SCAP: variants seen among roughly 807,000 people sequenced by gnomAD.
SCAP encodes the protein sterol regulatory element-binding protein cleavage-activating protein.
Under a neutral mutation model 123.6 loss-of-function variants are expected in SCAP, and 65 were observed. The observed-to-expected ratio is 0.53, with a 90% CI of 0.43 to 0.65. SCAP has a LOEUF of 0.65. SCAP is among the 30% of genes least tolerant of loss of function. The pLI, the probability that SCAP is intolerant of heterozygous loss-of-function variation, is 0.00. For synonymous variants in SCAP, 740 were observed against 726.3 expected, an observed-to-expected ratio of 1.02 and a Z score of -0.30; for missense variants, 1,398 against 1,712.5, an observed-to-expected ratio of 0.82 and a Z score of 3.24.
At chr3:47,445,602 T>C (rs2107928918) in intron 1 of SCAP, among the ~76,000 whole-genome samples, 1 of 150,370 alleles carries the variant, frequency 6.7e-6, no homozygotes, top group African/African-American at 2.4e-5. Flanking sequence ...AACGGAATCT[T>C]GCTTTGTCGC....
intron 20 of SCAP, 80 bp downstream of exon 20, chr3:47,414,747 C>T (rs1017483283): frequency 1.4e-5 from 22 of 1,606,050 alleles, no homozygotes; most frequent in Admixed American, 1.7e-5. Flanking sequence ...AGGACTCTTC[C>T]AGCCTCTCCC....
At position 47,418,183 on chromosome 3, in the gene SCAP, C is replaced by A. The variant is rs762607828; in HGVS notation, c.2398G>T (p.Val800Leu). The A allele has an allele frequency of 6.3e-7, 1 of 1,575,708 alleles. No homozygotes were observed. The highest frequency in any genetic ancestry group is 8.6e-7 in the Non-Finnish European group (1 of 1,161,360). ...VSCCLAGHVC[V>L]WDAQTGDCLT... The stretch of plus-strand genomic sequence containing the variant: ...CAATCCCCGGTCTGCGCGTCCCACA[C>A]GCAGACGTGGCCTGCCAGGCAGCAG... The change falls in exon 16 of 23, where the codon GTG becomes TTG. Residue 800 changes from valine (V) to leucine (L), a missense_variant. Physicochemically the swap from Val to Leu is conservative, Grantham distance 32. Transcript: ENST00000265565.
In SCAP at chr3:47,414,587, G is replaced by T. The variant is rs765062530; in HGVS notation, c.3372C>A (p.Thr1124=). 6.2e-7 allele frequency: 1 copy of T among 1,613,446 alleles called. No individual in the cohort carries two copies. The highest frequency in any genetic ancestry group is 8.5e-7 in the Non-Finnish European group (1 of 1,179,998). The change falls in exon 21 of 23, where the codon ACC becomes ACA. Residue 1124 remains threonine, a synonymous_variant. Coordinates refer to ENST00000265565, the MANE Select transcript of SCAP (RefSeq NM_012235.4). The part of the protein sequence containing the change: ...TLQGHSGAIT[T]VYIDQTMVLA... ...GGCCGCTTACCTGGTCAATGTACAC[G>T]GTCGTGATGGCCCCTGAGTGGCCCT...
intron 1 of SCAP, among the ~76,000 whole-genome samples, chr3:47,452,364 C>G (rs1398941012): frequency 6.6e-6 from 1 of 151,772 alleles, no homozygotes; most frequent in Admixed American, 6.6e-5. Flanking sequence ...TCTCTGAAAA[C>G]AAACCACTTG....
chr3:47,415,626 C>T (rs1705538689), intron 18 of SCAP, among the ~76,000 whole-genome samples: 1 of 152,198 alleles, frequency 6.6e-6, no homozygotes, highest in Non-Finnish European at 1.5e-5. Flanking sequence ...AAGCACAGCT[C>T]ACATCAATTC....
At position 47,420,511 on chromosome 3, in the gene SCAP, G is replaced by A. The variant is rs376567000; in HGVS notation, c.1563+43C>T. ...AGCACCACAAGGGGCCTGGAGCACC[G>A]GCCCTCCAGAAGAGGGCAGGGCAGG... On this transcript the variant is annotated intron_variant, in intron 12 of 22. Coordinates refer to ENST00000265565, the MANE Select transcript of SCAP (RefSeq NM_012235.4). The surrounding 1 kb of genome is among the most constrained non-coding windows in gnomAD (Gnocchi z 5.0). The A allele has an allele frequency of 4.2e-5, 63 of 1,497,230 alleles. No individual in the cohort carries two copies. Among genetic ancestry groups the A allele is most frequent in the African/African-American group, 8.2e-5 (6 of 72,728 alleles). 92.7% of individuals were successfully genotyped at this position (1,497,230 alleles called of 1,614,324 possible).
rs1033297853 is a variant in SCAP at position 47,418,351 on chromosome 3, G to C, written c.2301C>G (p.Ile767Met). The C allele has an allele frequency of 5.1e-6, 8 of 1,570,320 alleles. No homozygotes were observed. The highest frequency in any genetic ancestry group is 1.4e-5 in the African/African-American group (1 of 73,860). ...GGTGGCCGCGCAGCACAAGCGGCACGATCTCCGTCTCGGGTGGCGCATAGC... is the reference window on the plus strand; with the variant it reads ...GGTGGCCGCGCAGCACAAGCGGCACCATCTCCGTCTCGGGTGGCGCATAGC... ...DYGYAPPETE[I>M]VPLVLRGHLM... The change falls in exon 15 of 23, where the codon ATC becomes ATG. Residue 767 changes from isoleucine to methionine, a missense_variant. Physicochemically the swap from Ile to Met is conservative, Grantham distance 10. Around this residue, in one of 7 missense-constraint regions of SCAP, gnomAD observed 828 missense variants for 882.5 expected, o/e 0.94. Transcript: ENST00000265565.
rs749663154 is a variant in SCAP, at chr3:47,430,283, A to G, written c.253-1613T>C. 2.6e-5 allele frequency among the ~76,000 whole-genome samples: 4 copies of G among 152,282 alleles called. No homozygotes were observed. The South Asian group carries it at 8.3e-4, about 32-fold the overall frequency. On this transcript the variant is annotated intron_variant, in intron 3 of 22. Transcript: ENST00000265565. ...CCAAGGTCTCCTCACTAAATATCAC[A>G]TACTTTTCTCACTAGAATCTGCCAT... is the stretch of plus-strand genomic sequence containing the variant.
rs1325133449 is a variant in SCAP, at chr3:47,422,546, G to A, written c.1151-10C>T. The A allele has an allele frequency of 1.9e-6, 3 of 1,605,958 alleles. No individual in the cohort carries two copies. The highest frequency in any genetic ancestry group is 2.2e-5 in the East Asian group (1 of 44,622). ...CTCTCGCTGCTTAGGCCTGCAGAGGGCAGCAACAGGGCACAGGGCAACACA... is the reference window on the plus strand; with the variant it reads ...CTCTCGCTGCTTAGGCCTGCAGAGGACAGCAACAGGGCACAGGGCAACACA... On this transcript the variant is annotated splice_polypyrimidine_tract_variant and intron_variant, in intron 9 of 22. Transcript: ENST00000265565.
chr3:47,442,373 A>G (rs1464148378), intron 2 of SCAP, among the ~76,000 whole-genome samples: 1 of 152,206 alleles, frequency 6.6e-6, no homozygotes, highest in Non-Finnish European at 1.5e-5. Context: ...AGCTGGCCAC[A>G]AGAATCAACA....
At chr3:47,456,287 A>G (rs1707422397) in intron 1 of SCAP, among the ~76,000 whole-genome samples, 1 of 152,172 alleles carries the variant, frequency 6.6e-6, no homozygotes, top group Non-Finnish European at 1.5e-5. Flanking sequence ...CTGTAGTCCC[A>G]GCTATTCAGG....
intron 21 of SCAP, 85 bp from the exon 22 acceptor site, chr3:47,414,471 C>T (rs532154503): frequency 8.8e-5 from 141 of 1,598,672 alleles, no homozygotes; most frequent in Non-Finnish European, 1.1e-4. Context: ...GTGGGTGGGG[C>T]CCTGACTGCT....
At position 47,414,059 on chromosome 3, in the gene SCAP, T is replaced by C. The variant is rs754056645; in HGVS notation, c.3635A>G (p.Asn1212Ser). The stretch of plus-strand genomic sequence containing the variant: ...GCCCTGGCCGCCAGTCACCAGCAGG[T>C]TGTCTGAGATGACACCCAAGCTTGC... ...CGASLGVISDNLLVTGGQGCV... is the reference protein window; with the variant it reads ...CGASLGVISDSLLVTGGQGCV... The change falls in exon 23 of 23, where the codon AAC (asparagine) becomes AGC (serine). Residue 1212 changes from asparagine to serine, a missense_variant. Asn to Ser is a conservative substitution (Grantham distance 46). Coordinates refer to ENST00000265565, the MANE Select transcript of SCAP (RefSeq NM_012235.4). 1.8e-4 allele frequency: 284 copies of C among 1,613,236 alleles called. 2 individuals carry two copies. The highest frequency in any genetic ancestry group is 2.3e-4 in the Non-Finnish European group (273 of 1,180,012).
At position 47,475,927 on chromosome 3, in the gene SCAP, G is replaced by C. The variant is rs1220161037; in HGVS notation, c.-227C>G. 6.5e-6 allele frequency: 1 copy of C among 153,354 alleles called. No homozygotes were observed. The highest frequency in any genetic ancestry group is 1.5e-5 in the Non-Finnish European group (1 of 68,456). 9.5% of individuals were successfully genotyped at this position (153,354 alleles called of 1,614,324 possible). On this transcript the variant is annotated 5_prime_UTR_variant, in exon 1 of 23. Transcript: ENST00000265565. ...GCGTGGCGCCCTCCCTCTCTCTCCTGGCCGCCGGGTGCCCGCCCCTTCACC... is the reference window on the plus strand; with the variant it reads ...GCGTGGCGCCCTCCCTCTCTCTCCTCGCCGCCGGGTGCCCGCCCCTTCACC...
At chr3:47,429,988 GC>G (rs1049002468) in intron 3 of SCAP, among the ~76,000 whole-genome samples, 24 of 152,246 alleles carry the variant, frequency 1.6e-4, no homozygotes, top group Admixed American at 1.4e-3. Flanking sequence ...CAAACATATG[GC>G]CTTGAAAACA....
Position 47,415,544 on chromosome 3 carries a change from A to C in SCAP, c.3057-364T>G, listed in dbSNP as rs138855874. Among the ~76,000 whole-genome samples, 49 of 152,232 alleles carry C rather than the reference A, an allele frequency of 3.2e-4. No individual in the cohort carries two copies. The East Asian group carries it at 5.8e-3, about 18-fold the overall frequency. ...GCTGAAGGGAGGGCTGCTGAGGGGA[A>C]ACAGGATGCAGGGTGGGCTATGTTG... is the stretch of plus-strand genomic sequence containing the variant. On this transcript the variant is annotated intron_variant, in intron 18 of 22. Transcript: ENST00000265565.
chr3:47,425,588 T>C lies in SCAP; in HGVS notation c.934A>G (p.Lys312Glu). ...STRKIDMVKS[K>E]WGLALAAVVT... ...ACGGCAGCCAGGGCCAGCCCCCACT[T>C]GGACTTGACCATGTCGATCTTCCCT... Residue 312 changes from lysine to glutamate, a missense_variant, in exon 8 of 23, where the codon AAG becomes GAG. Transcript: ENST00000265565. The C allele has an allele frequency of 6.2e-7, 1 of 1,614,064 alleles. No individual in the cohort carries two copies. The highest frequency in any genetic ancestry group is 8.5e-7 in the Non-Finnish European group (1 of 1,180,024).
At position 47,426,104 on chromosome 3, in the gene SCAP, G is replaced by C. The variant is rs376770796; in HGVS notation, c.803C>G (p.Ala268Gly). 52 of 1,613,878 alleles carry C rather than the reference G, an allele frequency of 3.2e-5. No individual in the cohort carries two copies. The highest frequency in any genetic ancestry group is 4.2e-5 in the Non-Finnish European group (50 of 1,179,954). ...LHPSPNCSLRAESLVHVHFKE... is the reference protein window; with the variant it reads ...LHPSPNCSLRGESLVHVHFKE... ...GAAGTGCACGTGGACCAGGCTCTCC[G>C]CCCGAAGGCTGCAGTTGGGGCTGGG... is the stretch of plus-strand genomic sequence containing the variant. The change falls in exon 7 of 23, where the codon GCG (alanine) becomes GGG (glycine). Residue 268 changes from alanine to glycine, a missense_variant. Transcript: ENST00000265565.
In SCAP at chr3:47,443,009, C is replaced by G. The variant is rs1286069291; in HGVS notation, c.-16G>C. On this transcript the variant is annotated 5_prime_UTR_variant, in exon 2 of 23. Transcript: ENST00000265565. Reference sequence around the variant, plus strand: ...TCAGGGTCATCCTCAGCCGAAGTCACCTTGCTGCCATCCCGGAAAGTGACC... The same window carrying G: ...TCAGGGTCATCCTCAGCCGAAGTCAGCTTGCTGCCATCCCGGAAAGTGACC... 6.2e-7 allele frequency: 1 copy of G among 1,613,154 alleles called. No homozygotes were observed. The highest frequency in any genetic ancestry group is 1.1e-5 in the South Asian group (1 of 91,004).
Sources: gnomAD v4.1 joint callset for allele counts (sites outside exome capture counted in the v4.1 genomes callset) on GRCh38, gnomAD v4.1.1 for gene constraint, gnomAD v4.1.1 regional missense constraint, Gnocchi (gnomAD v3.1) non-coding constraint, MANE v1.5 for transcripts, NCBI Gene and HGNC (gene_info 2026-07-23, HGNC 2026-07-21) for gene names.